TENM1: variants seen among roughly 807,000 people sequenced by gnomAD.
The protein encoded by TENM1 is teneurin transmembrane protein 1.
A neutral mutation model predicts 174.8 loss-of-function variants in TENM1; 35 were observed. The ratio of observed to expected loss-of-function variants is 0.20; its 90% CI spans 0.15 to 0.27. The LOEUF is 0.27. Among genes scored for constraint, TENM1 ranks in the 10% least tolerant of loss-of-function variants. TENM1 has a pLI of 1.00. For missense variants in TENM1, 1,633 were observed against 2,130.1 expected, an observed-to-expected ratio of 0.77 and a Z score of 4.59; for synonymous variants, 781 against 798.7, an observed-to-expected ratio of 0.98 and a Z score of 0.37.
chrX:124,944,821 T>C (rs187807066), intron 1 of TENM1, among the ~76,000 whole-genome samples: 12 of 110,414 alleles, frequency 1.1e-4, no homozygotes, highest in Admixed American at 6.9e-4. Context: ...TAAATATGTA[T>C]ATAGAAATAT....
intron 27 of TENM1, 78 bp downstream of exon 30, chrX:124,404,953 A>T: frequency 2.0e-6 from 1 of 512,158 alleles, no homozygotes; most frequent in Non-Finnish European, 2.8e-6. Flanking sequence ...CTCTGCAGTT[A>T]AACAAACAAA....
chrX:124,443,805 T>A (rs2060936555), intron 23 of TENM1, among the ~76,000 whole-genome samples: 1 of 112,067 alleles, frequency 8.9e-6, no homozygotes, highest in Non-Finnish European at 1.9e-5. Flanking sequence ...AGGTTTCTCA[T>A]GACACCTTTA....
intron 25 of TENM1, among the ~76,000 whole-genome samples, chrX:124,408,793 G>T (rs12841074): frequency 5.2e-4 from 45 of 87,045 alleles, no homozygotes; most frequent in African/African-American, 1.8e-3. Flanking sequence ...AACATTAGGT[G>T]TATCTCCTAA....
chrX:124,597,510 G>C (rs183704978), intron 11 of TENM1, among the ~76,000 whole-genome samples: 55 of 110,780 alleles, frequency 5.0e-4, no homozygotes, highest in African/African-American at 1.8e-3. Context: ...ACGGAGTATG[G>C]GGACTTGAGG....
intron 20 of TENM1, among the ~76,000 whole-genome samples, chrX:124,488,762 G>A (rs1385803901): frequency 8.9e-6 from 1 of 112,184 alleles, no homozygotes; most frequent in East Asian, 2.8e-4. Flanking sequence ...GTTTAGTTGT[G>A]AAAGTACTAG....
At chrX:124,714,138 G>A (rs1459926591) in intron 4 of TENM1, among the ~76,000 whole-genome samples, 1 of 111,480 alleles carries the variant, frequency 9.0e-6, no homozygotes, top group Non-Finnish European at 1.9e-5. Flanking sequence ...AATCCTATAA[G>A]GTAGATGATA....
At chrX:124,756,765 T>C (rs1345310577) in intron 3 of TENM1, among the ~76,000 whole-genome samples, 3 of 112,169 alleles carry the variant, frequency 2.7e-5, no homozygotes, top group Admixed American at 1.9e-4. Flanking sequence ...CTCCAGACCC[T>C]GTTTGCCTGG....
intron 19 of TENM1, among the ~76,000 whole-genome samples, chrX:124,500,231 G>A (rs1407270238): frequency 8.9e-6 from 1 of 111,935 alleles, no homozygotes; most frequent in Non-Finnish European, 1.9e-5. Flanking sequence ...GTACTGAAAT[G>A]ACCATTTCTG....
At chrX:124,914,012 G>A (rs1009298246) in intron 1 of TENM1, among the ~76,000 whole-genome samples, 2 of 111,758 alleles carry the variant, frequency 1.8e-5, no homozygotes, top group Admixed American at 9.5e-5. Flanking sequence ...CAAGGAAACT[G>A]ACTCTGAAGG....
At chrX:124,932,725 C>A (rs1338985128) in intron 1 of TENM1, among the ~76,000 whole-genome samples, 1 of 111,495 alleles carries the variant, frequency 9.0e-6, no homozygotes, top group East Asian at 2.8e-4. Flanking sequence ...CCAAACATGA[C>A]CTTCAGCATG....
rs59871685 is a variant in TENM1 at position 124,615,155 on chromosome X, G to A, written c.2077+26636C>T. ...ACTTTTTAAAAAAATATGTAACCTT[G>A]GATGTAGAATGACAGGCAAAGTAGC... On this transcript the variant is annotated intron_variant, in intron 11 of 31. Transcript: ENST00000422452. Among the ~76,000 whole-genome samples, 979 of 112,366 alleles carry A rather than the reference G, an allele frequency of 8.7e-3. 9 individuals carry two copies. Among genetic ancestry groups the A allele is most frequent in the African/African-American group, 0.03 (939 of 30,928 alleles).
At chrX:125,146,444 G>A in the TENM1 span, among the ~76,000 whole-genome samples, 5 of 111,295 alleles carry the variant, frequency 4.5e-5, no homozygotes, top group African/African-American at 1.6e-4. Context: ...CTCTATTATA[G>A]CATGTATTAT....
At chrX:124,421,816 T>C (rs2060657134) in intron 24 of TENM1, among the ~76,000 whole-genome samples, 1 of 111,721 alleles carries the variant, frequency 9.0e-6, no homozygotes, top group African/African-American at 3.3e-5. Context: ...GCTTTTAATC[T>C]GAAAACCAAC....
At chrX:124,665,982 CTG>C (rs1317463528) in intron 6 of TENM1, among the ~76,000 whole-genome samples, 2 of 112,077 alleles carry the variant, frequency 1.8e-5, no homozygotes, top group East Asian at 5.6e-4. Context: ...AGATGAGAAA[CTG>C]GAGCCTAGAG....
At chrX:125,001,872 C>T in the TENM1 span, among the ~76,000 whole-genome samples, 1 of 104,654 alleles carries the variant, frequency 9.6e-6, no homozygotes, top group Non-Finnish European at 2.0e-5. Flanking sequence ...CACACACACA[C>T]ACACACACAC....
intron 1 of TENM1, among the ~76,000 whole-genome samples, chrX:124,939,503 TC>T (rs2058294888): frequency 9.0e-6 from 1 of 111,637 alleles, no homozygotes; most frequent in Non-Finnish European, 1.9e-5. Context: ...GTATTTAATA[TC>T]CCTTTCCCAG....
At chrX:124,985,902 G>A in the TENM1 span, among the ~76,000 whole-genome samples, 18 of 111,218 alleles carry the variant, frequency 1.6e-4, no homozygotes, top group Non-Finnish European at 3.2e-4. Context: ...AATTAAACGT[G>A]GCACATCAAC....
Position 124,739,772 on chromosome X carries a change from G to A in TENM1, c.536-2575C>T, listed in dbSNP as rs898720752. On this transcript the variant is annotated intron_variant, in intron 3 of 31. Coordinates refer to ENST00000422452, the Ensembl canonical transcript of TENM1. ...ATAGACTGCATGTTTCTTAGAATAA[G>A]GTTTCCTTCTACTTCTCCTGTATGC... is the stretch of plus-strand genomic sequence containing the variant. Among the ~76,000 whole-genome samples, 56 of 112,283 alleles carry A rather than the reference G, an allele frequency of 5.0e-4. No homozygotes were observed. In the Admixed American group the frequency reaches 5.2e-3, roughly 10 times the overall value.
At chrX:124,903,336 T>C (rs774773161) in intron 1 of TENM1, among the ~76,000 whole-genome samples, 3 of 111,617 alleles carry the variant, frequency 2.7e-5, no homozygotes, top group Admixed American at 9.6e-5. Context: ...TAAAAGGCTA[T>C]GTTAATATCA....
Sources: gnomAD v4.1 joint callset for allele counts (sites outside exome capture counted in the v4.1 genomes callset) on GRCh38, gnomAD v4.1.1 for gene constraint, MANE v1.5 for transcripts, NCBI Gene and HGNC (gene_info 2026-07-23, HGNC 2026-07-21) for gene names.